Variants in NXN observed in about 807,000 individuals in gnomAD.
NXN encodes the protein nucleoredoxin 1.
Under a neutral mutation model 48.6 loss-of-function variants are expected in NXN, and 16 were observed. The observed-to-expected ratio is 0.33, with a 90% CI of 0.22 to 0.50. The LOEUF (loss-of-function observed/expected upper bound fraction) is 0.50, where lower values mean the gene tolerates loss of function less well. Ranked by LOEUF, NXN falls within the 20% of genes least tolerant of loss-of-function variation. The probability of loss-of-function intolerance (pLI) is 0.98; values close to 1 mark genes in which losing one functional copy is unlikely to be tolerated. For missense variants in NXN, 492 were observed against 605.5 expected, an observed-to-expected ratio of 0.81 and a Z score of 1.97; for synonymous variants, 281 against 269.6, an observed-to-expected ratio of 1.04 and a Z score of -0.41.
chr17:865,290 T>C (rs1014254985), intron 1 of NXN, among the ~76,000 whole-genome samples: 2 of 151,926 alleles, frequency 1.3e-5, no homozygotes, highest in African/African-American at 2.4e-5. Flanking sequence ...TCACCCAGGC[T>C]GGAGTGCAAT....
chr17:884,663 T>C (rs2068323343), intron 1 of NXN, among the ~76,000 whole-genome samples: 1 of 152,124 alleles, frequency 6.6e-6, no homozygotes, highest in African/African-American at 2.4e-5. Context: ...CTAGAACACC[T>C]TCTGGACCCT....
intron 1 of NXN, among the ~76,000 whole-genome samples, chr17:871,799 CTG>C (rs2068158049): frequency 6.6e-6 from 1 of 152,190 alleles, no homozygotes; most frequent in South Asian, 2.1e-4. Flanking sequence ...TCCAGCTCTG[CTG>C]TGTTACTGAT....
At chr17:859,780 C>T (rs896065897) in intron 1 of NXN, among the ~76,000 whole-genome samples, 2 of 152,298 alleles carry the variant, frequency 1.3e-5, no homozygotes, top group South Asian at 2.1e-4. Context: ...GCCCTCAGGC[C>T]GTTCCAGACA....
intron 1 of NXN, among the ~76,000 whole-genome samples, chr17:898,834 A>G: frequency 1.4e-5 from 1 of 71,304 alleles, no homozygotes; most frequent in East Asian, 7.1e-4. Flanking sequence ...CTGGGTGACA[A>G]AACAGACTGT....
At position 917,383 on chromosome 17, in the gene NXN, C is replaced by T. The variant is rs534055456; in HGVS notation, c.360+61936G>A. 2.0e-5 allele frequency among the ~76,000 whole-genome samples: 3 copies of T among 152,310 alleles called. No homozygotes were observed. The highest frequency in any genetic ancestry group is 2.1e-4 in the South Asian group (1 of 4,828). On this transcript the variant is annotated intron_variant, in intron 1 of 7. Coordinates refer to ENST00000336868, the MANE Select transcript of NXN (RefSeq NM_022463.5). This position sits in a 1 kb window ranked among gnomAD's most constrained non-coding sequence, Gnocchi z 4.5. ...GTCTCAATCTCTTGACCTCGTGATCCGCCTGCCTTGGCCTCTGAAAGTGCT... is the reference window on the plus strand; with the variant it reads ...GTCTCAATCTCTTGACCTCGTGATCTGCCTGCCTTGGCCTCTGAAAGTGCT...
chr17:838,999 C>T (rs554624656), intron 1 of NXN, among the ~76,000 whole-genome samples: 1 of 152,306 alleles, frequency 6.6e-6, no homozygotes, highest in South Asian at 2.1e-4. Flanking sequence ...TGCTATGAAC[C>T]ACCAGGGGAA....
chr17:810,320 G>A (rs73285784), intron 5 of NXN, among the ~76,000 whole-genome samples: 5,013 of 148,804 alleles, frequency 0.034, 455 homozygotes, highest in African/African-American at 0.096. Context: ...TGGTGTGCAC[G>A]TTACGAGTGC....
intron 1 of NXN, among the ~76,000 whole-genome samples, chr17:974,954 G>A (rs1223157957): frequency 6.6e-6 from 1 of 151,974 alleles, no homozygotes; most frequent in African/African-American, 2.4e-5. Context: ...AGCCTCCCGA[G>A]TAGCTGGGAC....
intron 1 of NXN, among the ~76,000 whole-genome samples, chr17:885,012 C>T (rs557816269): frequency 1.3e-5 from 2 of 152,258 alleles, no homozygotes; most frequent in South Asian, 4.2e-4. Flanking sequence ...CGAGCGCCAT[C>T]CCCTTTAGGG....
intron 1 of NXN, among the ~76,000 whole-genome samples, chr17:901,285 A>G (rs1567855392): frequency 6.6e-6 from 1 of 152,158 alleles, no homozygotes; most frequent in Non-Finnish European, 1.5e-5. Context: ...CCTCTGCAAC[A>G]TGCAGGGATC....
intron 1 of NXN, among the ~76,000 whole-genome samples, chr17:836,568 C>T (rs1217315884): frequency 6.6e-6 from 1 of 152,164 alleles, no homozygotes; most frequent in African/African-American, 2.4e-5. Flanking sequence ...CACACCAGGA[C>T]GAACACTGAG....
chr17:871,894 AT>A (rs1382738680), intron 1 of NXN, among the ~76,000 whole-genome samples: 2 of 151,686 alleles, frequency 1.3e-5, no homozygotes, highest in Non-Finnish European at 2.9e-5. Context: ...TATTTGCTTT[AT>A]TTCCTGGGAA....
intron 1 of NXN, among the ~76,000 whole-genome samples, chr17:921,756 C>G (rs954133343): frequency 6.8e-6 from 1 of 146,790 alleles, no homozygotes; most frequent in Non-Finnish European, 1.5e-5. Flanking sequence ...CCGGCCCAGG[C>G]TCTCATCCTC....
At chr17:867,701 G>A (rs111305799) in intron 1 of NXN, among the ~76,000 whole-genome samples, 3,288 of 152,186 alleles carry the variant, frequency 0.022, 131 homozygotes, top group African/African-American at 0.075. Flanking sequence ...CAAGGCAGGT[G>A]GAACACCTGA....
At chr17:836,877 C>T (rs547021352) in intron 1 of NXN, among the ~76,000 whole-genome samples, 4 of 152,222 alleles carry the variant, frequency 2.6e-5, no homozygotes, top group South Asian at 2.1e-4. Flanking sequence ...CTGCAGCCTC[C>T]ACCTCCCGGG....
At chr17:873,511 G>C (rs1208478578) in intron 1 of NXN, among the ~76,000 whole-genome samples, 5 of 102,242 alleles carry the variant, frequency 4.9e-5, no homozygotes, top group African/African-American at 1.5e-4. Context: ...AAAAAAAAAA[G>C]GAGTCTCCGT....
chr17:887,577 TTTTA>T (rs2068362744), intron 1 of NXN, among the ~76,000 whole-genome samples: 1 of 152,160 alleles, frequency 6.6e-6, no homozygotes, highest in African/African-American at 2.4e-5. Context: ...AAAGAATCCA[TTTTA>T]TTTGTCAGAA....
chr17:809,804 G>A (rs1257245651), intron 5 of NXN, among the ~76,000 whole-genome samples: 1 of 90,748 alleles, frequency 1.1e-5, no homozygotes, highest in Non-Finnish European at 2.6e-5. Flanking sequence ...CCGTGTGCAT[G>A]TGACGAGTCC....
chr17:809,678 G>A (rs1356527154), intron 5 of NXN, among the ~76,000 whole-genome samples: 1 of 152,220 alleles, frequency 6.6e-6, no homozygotes, highest in African/African-American at 2.4e-5. Flanking sequence ...GAGCTGGTGA[G>A]GACGCACCAG....
Sources: gnomAD v4.1 joint callset for allele counts (sites outside exome capture counted in the v4.1 genomes callset) on GRCh38, gnomAD v4.1.1 for gene constraint, Gnocchi (gnomAD v3.1) non-coding constraint, MANE v1.5 for transcripts, NCBI Gene and HGNC (gene_info 2026-07-23, HGNC 2026-07-21) for gene names.